UPK1B: variants seen among roughly 807,000 people sequenced by gnomAD.
The protein encoded by UPK1B is uroplakin 1B.
Under a neutral mutation model 34.2 loss-of-function variants are expected in UPK1B, and 28 were observed. The ratio of observed to expected loss-of-function variants is 0.82; its 90% CI spans 0.61 to 1.12. The LOEUF (loss-of-function observed/expected upper bound fraction) is 1.12, where lower values mean the gene tolerates loss of function less well. Among genes scored for constraint, UPK1B ranks in the 50% most tolerant of loss-of-function variants. The pLI, the probability that UPK1B is intolerant of heterozygous loss-of-function variation, is 0.00. For synonymous variants in UPK1B, 81 were observed against 110.4 expected (o/e 0.73, Z 1.67); for missense variants, 325 against 320.9 (o/e 1.01, Z -0.10).
rs539228240 is a variant in UPK1B, at chr3:119,190,877, G to A, written c.346-105G>A. 9 of 1,507,702 alleles carry A rather than the reference G, an allele frequency of 6.0e-6. No individual in the cohort carries two copies. In the South Asian group the frequency reaches 7.6e-5, roughly 13 times the overall value. The allele number at this position is 1,507,702 out of a possible 1,614,324, so 93.4% of individuals were successfully genotyped here. ...GCCTCTGAGTACAGTTTTGCTCCAG[G>A]AGAGAATGTTCAGTGTCCCCAGGAA... On this transcript the variant is annotated intron_variant, in intron 4 of 7. Transcript: ENST00000264234.
chr3:119,178,445 T>C (rs1459855203), intron 1 of UPK1B, among the ~76,000 whole-genome samples: 6 of 151,990 alleles, frequency 3.9e-5, no homozygotes, highest in Admixed American at 3.9e-4. Flanking sequence ...CTTTGAAGGG[T>C]TCTAAGCAGG....
At chr3:119,179,491 G>T in intron 1 of UPK1B, among the ~76,000 whole-genome samples, 1 of 132,414 alleles carries the variant, frequency 7.6e-6, no homozygotes, top group African/African-American at 2.8e-5. Context: ...ATTTGGGGAA[G>T]AGTTGATGTT....
At position 119,192,007 on chromosome 3, in the gene UPK1B, A is replaced by G. The variant is rs368794250; in HGVS notation, c.468+903A>G. On this transcript the variant is annotated intron_variant, in intron 5 of 7. Coordinates refer to ENST00000264234, the MANE Select transcript of UPK1B (RefSeq NM_006952.4). ...TCAGCAGCCACATGGATGACTCAGC[A>G]ACATTTAGTCTCACAATTCCTTGTC... Among the ~76,000 whole-genome samples, 13 of 152,158 alleles carry G rather than the reference A, an allele frequency of 8.5e-5. No individual in the cohort carries two copies. In the South Asian group the frequency reaches 2.7e-3, roughly 32 times the overall value.
chr3:119,203,791 AAAAC>A (rs1318691709), intron 7 of UPK1B, 122 bp from the exon 8 acceptor site: 25 of 995,102 alleles, frequency 2.5e-5, no homozygotes, highest in African/African-American at 3.4e-5. Flanking sequence ...AGAAGAAATA[AAAAC>A]AAACAAACAA....
At chr3:119,185,738 AATTG>A (rs1285400742) in intron 1 of UPK1B, among the ~76,000 whole-genome samples, 6 of 152,212 alleles carry the variant, frequency 3.9e-5, no homozygotes, top group Non-Finnish European at 5.9e-5. Flanking sequence ...GGAATGCATG[AATTG>A]ATTAATTAAA....
intron 1 of UPK1B, among the ~76,000 whole-genome samples, chr3:119,178,093 G>T (rs2077966049): frequency 1.3e-5 from 2 of 152,124 alleles, no homozygotes; most frequent in Non-Finnish European, 2.9e-5. Context: ...GGGTTGGGGG[G>T]GTGGGGCACG....
chr3:119,175,012 C>CTTTTTTTTTTTTTTTTTTTTTTT (rs374721069), intron 1 of UPK1B, among the ~76,000 whole-genome samples: 6 of 67,482 alleles, frequency 8.9e-5, no homozygotes, highest in African/African-American at 1.9e-4. Context: ...CTTTTATTTT[C>CTTTTTTTTTTTTTTTTTTTTTTT]TTTTTTTTTT....
chr3:119,177,076 A>G (rs907007529), intron 1 of UPK1B, among the ~76,000 whole-genome samples: 9 of 152,244 alleles, frequency 5.9e-5, no homozygotes, highest in African/African-American at 1.4e-4. Context: ...TGGATGGCTC[A>G]TGAAACTCAA....
Position 119,199,103 on chromosome 3 carries a change from GGGTTGCCT to G in UPK1B, c.700_707del (p.Ala234TrpfsTer23), listed in dbSNP as rs868490453. On this transcript the variant is annotated frameshift_variant, in exon 7 of 8. Coordinates refer to ENST00000264234, the MANE Select transcript of UPK1B (RefSeq NM_006952.4). LOFTEE classifies it high-confidence loss of function. ...GGTCCAATGAACCGACACGCCTGGG[GGGTTGCCT>G]GGTTTGGATTTGCCATTCTCTGCTG... 1.5e-5 allele frequency: 24 copies of G among 1,614,024 alleles called. No individual in the cohort carries two copies. The highest frequency in any genetic ancestry group is 2.0e-5 in the Non-Finnish European group (24 of 1,180,026).
intron 7 of UPK1B, among the ~76,000 whole-genome samples, chr3:119,201,205 T>C (rs952401668): frequency 1.3e-5 from 2 of 152,214 alleles, no homozygotes; most frequent in African/African-American, 4.8e-5. Flanking sequence ...GGCAAATAAA[T>C]TCTCATTGTT....
At chr3:119,190,369 C>A in intron 4 of UPK1B, 50 bp downstream of exon 4, 1 of 1,417,116 alleles carries the variant, frequency 7.1e-7, no homozygotes, top group Non-Finnish European at 9.9e-7. Flanking sequence ...ATTATTATAA[C>A]AACCAACATG....
intron 7 of UPK1B, among the ~76,000 whole-genome samples, chr3:119,203,287 G>A (rs531612948): frequency 1.6e-5 from 2 of 128,704 alleles, no homozygotes; most frequent in South Asian, 5.1e-4. Context: ...CTTGCAGTGA[G>A]TCAAGATCGC....
chr3:119,204,805 C>CA lies in UPK1B; in HGVS notation c.*839dup, dbSNP rs2078112398. On this transcript the variant is annotated 3_prime_UTR_variant, in exon 8 of 8. Coordinates refer to ENST00000264234, the MANE Select transcript of UPK1B (RefSeq NM_006952.4). Reference sequence around the variant, plus strand: ...GCAGGAGAATCACTTGACCGGGAGACAGAGGTTGCAGTGAGCTGAGATCGT... The same window carrying CA: ...GCAGGAGAATCACTTGACCGGGAGACAAGAGGTTGCAGTGAGCTGAGATCGT... 1 of 152,264 alleles carries CA rather than the reference C, an allele frequency of 6.6e-6. No homozygotes were observed. The highest frequency in any genetic ancestry group is 6.5e-5 in the Admixed American group (1 of 15,278). The allele number at this position is 152,264 out of a possible 1,614,324, so 9.4% of individuals were successfully genotyped here. A position where few individuals can be genotyped will look rare whatever the true frequency, so the allele number is the denominator to read the frequency against.
intron 2 of UPK1B, 58 bp from the exon 3 acceptor site, chr3:119,187,715 CCT>C: frequency 6.5e-7 from 1 of 1,538,550 alleles, no homozygotes. Context: ...CCTTCCCCAC[CCT>C]CCACCCCCTT....
intron 1 of UPK1B, among the ~76,000 whole-genome samples, chr3:119,179,421 G>A (rs2077977700): frequency 8.0e-6 from 1 of 125,498 alleles, no homozygotes; most frequent in African/African-American, 2.8e-5. Flanking sequence ...ATTAACCTAT[G>A]TGATGTGATT....
intron 1 of UPK1B, among the ~76,000 whole-genome samples, chr3:119,183,365 G>A (rs748937581): frequency 2.0e-5 from 3 of 150,910 alleles, no homozygotes; most frequent in Non-Finnish European, 4.4e-5. Flanking sequence ...AGGTTCAAGC[G>A]ATTCTCCTGA....
rs749663623 is a variant in UPK1B at position 119,191,122 on chromosome 3, G to A, written c.468+18G>A. ...TGCTCCAGGTAAGACCTGTGGTCTTGGGGAGATGCCATTTTTACTTACTGG... is the reference window on the plus strand; with the variant it reads ...TGCTCCAGGTAAGACCTGTGGTCTTAGGGAGATGCCATTTTTACTTACTGG... On this transcript the variant is annotated intron_variant, in intron 5 of 7. Coordinates refer to ENST00000264234, the MANE Select transcript of UPK1B (RefSeq NM_006952.4). 9.3e-6 allele frequency: 15 copies of A among 1,612,402 alleles called. No homozygotes were observed. The highest frequency in any genetic ancestry group is 1.3e-5 in the Non-Finnish European group (15 of 1,179,112).
At chr3:119,177,535 C>T (rs1384655063) in intron 1 of UPK1B, among the ~76,000 whole-genome samples, 1 of 152,186 alleles carries the variant, frequency 6.6e-6, no homozygotes, top group Non-Finnish European at 1.5e-5. Flanking sequence ...TGTATCATGC[C>T]GTGAACAGGC....
At chr3:119,174,887 C>A (rs2077946277) in intron 1 of UPK1B, among the ~76,000 whole-genome samples, 1 of 111,860 alleles carries the variant, frequency 8.9e-6, no homozygotes, top group Admixed American at 9.6e-5. Context: ...AAAATCAACT[C>A]ACCTATTTTT....
Sources: allele counts gnomAD v4.1 joint callset (sites outside exome capture counted in the v4.1 genomes callset), GRCh38; gene constraint gnomAD v4.1.1; transcripts MANE v1.5; gene names NCBI Gene and HGNC (gene_info 2026-07-23, HGNC 2026-07-21).